HNRNPLL: variants seen among roughly 807,000 people sequenced by gnomAD.
HNRNPLL encodes heterogeneous nuclear ribonucleoprotein L like.
Under a neutral mutation model 67.1 loss-of-function variants are expected in HNRNPLL, and 25 were observed. The observed-to-expected ratio is 0.37, with a 90% CI of 0.27 to 0.52. The LOEUF (loss-of-function observed/expected upper bound fraction) is 0.52. Ranked by LOEUF, HNRNPLL falls within the 20% of genes least tolerant of loss-of-function variation. The pLI is 0.90. For synonymous variants in HNRNPLL, 267 were observed against 241.7 expected (o/e 1.10, Z -0.97); for missense variants, 542 against 673.9 (o/e 0.80, Z 2.17).
Position 38,590,094 on chromosome 2 carries a change from A to G in HNRNPLL, c.308+1436T>C, listed in dbSNP as rs555296548. ...ATTGATATAATCAACTTAGTGATAC[A>G]CTTTCAACATACAAACTTTACTATG... On this transcript the variant is annotated intron_variant, in intron 2 of 12. Coordinates refer to ENST00000449105, the MANE Select transcript of HNRNPLL (RefSeq NM_138394.4). Among the ~76,000 whole-genome samples the G allele has an allele frequency of 5.1e-4, 77 of 152,352 alleles. 1 individual carries two copies. The highest frequency in any genetic ancestry group is 1.8e-3 in the African/African-American group (76 of 41,580).
At position 38,598,977 on chromosome 2, in the gene HNRNPLL, TAC is replaced by T. The variant is rs1444793676; in HGVS notation, c.189+3459_189+3460del. Among the ~76,000 whole-genome samples the T allele has an allele frequency of 9.8e-5, 15 of 152,356 alleles. No homozygotes were observed. The East Asian group carries it at 2.5e-3, about 25-fold the overall frequency. ...TACTTTATTTCCATGAAGTAGTTAC[TAC>T]ACAGTCTTCTAAACTTCTCCTGTGA... On this transcript the variant is annotated intron_variant, in intron 1 of 12. Transcript: ENST00000449105.
chr2:38,602,189 T>C, intron 1 of HNRNPLL: 3 of 439,948 alleles, frequency 6.8e-6, no homozygotes, highest in Non-Finnish European at 1.2e-5. Context: ...GCCGCGACCC[T>C]CCCCAAGTTC....
At chr2:38,567,090 A>T (rs189651784) in intron 12 of HNRNPLL, among the ~76,000 whole-genome samples, 1 of 151,866 alleles carries the variant, frequency 6.6e-6, no homozygotes, top group Admixed American at 6.6e-5. Context: ...TATGTACAGA[A>T]GAATCATTTT....
chr2:38,597,656 A>G (rs1314440925), intron 1 of HNRNPLL, among the ~76,000 whole-genome samples: 1 of 152,166 alleles, frequency 6.6e-6, no homozygotes, highest in Non-Finnish European at 1.5e-5. Flanking sequence ...GCAAAGATGT[A>G]AAATTATGGC....
chr2:38,592,211 A>T (rs1666988212), intron 1 of HNRNPLL, among the ~76,000 whole-genome samples: 1 of 152,232 alleles, frequency 6.6e-6, no homozygotes, highest in Admixed American at 6.5e-5. Context: ...ACTTCAAGAA[A>T]ATCTCAGAAA....
At chr2:38,575,415 C>T (rs1666263310) in intron 7 of HNRNPLL, among the ~76,000 whole-genome samples, 2 of 151,746 alleles carry the variant, frequency 1.3e-5, no homozygotes, top group Admixed American at 1.3e-4. Flanking sequence ...CTTTCGTCTA[C>T]AAACCATATC....
At chr2:38,582,926 T>TA (rs1363741252) in intron 4 of HNRNPLL, among the ~76,000 whole-genome samples, 1 of 151,496 alleles carries the variant, frequency 6.6e-6, no homozygotes, top group Non-Finnish European at 1.5e-5. Context: ...ACAACCGAAC[T>TA]ATCTACCTTA....
Position 38,585,856 on chromosome 2 carries a change from G to T in HNRNPLL, c.334C>A (p.Arg112=), listed in dbSNP as rs1360658975. 1 of 1,611,036 alleles carries T rather than the reference G, an allele frequency of 6.2e-7. No homozygotes were observed. Among genetic ancestry groups the T allele is most frequent in the Non-Finnish European group, 8.5e-7 (1 of 1,177,538 alleles). The change falls in exon 3 of 13, where the codon CGA becomes AGA. Residue 112 remains arginine (R), a synonymous_variant. Transcript: ENST00000449105. ...TTTTCAAATTCCACTAGAGCCTGTC[G>T]TTTAAATGGCATCATCATCACATAG... ...ICYVMMMPFK[R]QALVEFENID... is the part of the protein sequence containing the mutation.
chr2:38,566,145 G>A (rs938335010), intron 12 of HNRNPLL: 1 of 928,192 alleles, frequency 1.1e-6, no homozygotes, highest in South Asian at 4.9e-5. Flanking sequence ...GAGGTGGGCA[G>A]ATCATGAGGT....
chr2:38,590,973 C>A (rs1257127714), intron 2 of HNRNPLL, among the ~76,000 whole-genome samples: 2 of 152,146 alleles, frequency 1.3e-5, no homozygotes, highest in East Asian at 1.9e-4. Context: ...CCACTACACT[C>A]CAGCTTGGGC....
At position 38,602,832 on chromosome 2, in the gene HNRNPLL, T is replaced by G. The variant is rs556524230; in HGVS notation, c.-206A>C. The G allele has an allele frequency of 5.2e-3, 8,015 of 1,548,878 alleles. 31 individuals carry two copies. The highest frequency in any genetic ancestry group is 6.5e-3 in the Non-Finnish European group (7,458 of 1,146,174). ...AGGGGGGCGCCCCGGGAGGAAGCTC[T>G]GGAGCGGCCGCTCCTCTCAATTACC... On this transcript the variant is annotated 5_prime_UTR_variant, in exon 1 of 13. Coordinates refer to ENST00000449105, the MANE Select transcript of HNRNPLL (RefSeq NM_138394.4).
chr2:38,588,546 C>CAAAAAAAA (rs70954733), intron 2 of HNRNPLL, among the ~76,000 whole-genome samples: 3,053 of 50,726 alleles, frequency 0.06, 271 homozygotes, highest in African/African-American at 0.085. Context: ...AACTCCATCT[C>CAAAAAAAA]AAAAAAAAAA....
chr2:38,571,127 C>T (rs1666061781), intron 8 of HNRNPLL, among the ~76,000 whole-genome samples: 1 of 152,058 alleles, frequency 6.6e-6, no homozygotes, highest in Admixed American at 6.6e-5. Flanking sequence ...AGAGATTAAA[C>T]ATAGTATATA....
At chr2:38,583,505 A>C (rs1214424267) in intron 4 of HNRNPLL, among the ~76,000 whole-genome samples, 1 of 152,214 alleles carries the variant, frequency 6.6e-6, no homozygotes, top group Non-Finnish European at 1.5e-5. Context: ...GTAAGATTTT[A>C]CTGACTCTAA....
intron 6 of HNRNPLL, chr2:38,581,220 G>C (rs137891674): frequency 2.2e-4 from 33 of 152,286 alleles, no homozygotes; most frequent in African/African-American, 7.9e-4. Flanking sequence ...TGGGCATTAA[G>C]ATTTACAACA....
At chr2:38,597,864 T>C (rs1486037372) in intron 1 of HNRNPLL, among the ~76,000 whole-genome samples, 1 of 151,778 alleles carries the variant, frequency 6.6e-6, no homozygotes, top group African/African-American at 2.4e-5. Flanking sequence ...ATTTTTTGTA[T>C]TTTTAGTAGA....
chr2:38,572,318 T>C (rs1382572511), intron 8 of HNRNPLL, among the ~76,000 whole-genome samples: 4 of 152,098 alleles, frequency 2.6e-5, no homozygotes, highest in Non-Finnish European at 5.9e-5. Flanking sequence ...AGCTTTAGAA[T>C]TAATGAACTA....
In HNRNPLL at chr2:38,587,357, GTATTAT is replaced by G. The variant is rs145931163; in HGVS notation, c.309-1482_309-1477del. Among the ~76,000 whole-genome samples, 12 of 151,962 alleles carry G rather than the reference GTATTAT, an allele frequency of 7.9e-5. 1 individual carries two copies. The East Asian group carries it at 2.1e-3, about 27-fold the overall frequency. On this transcript the variant is annotated intron_variant, in intron 2 of 12. Coordinates refer to ENST00000449105, the MANE Select transcript of HNRNPLL (RefSeq NM_138394.4). ...CCCTCAATAAAAGGTAACTATTACT[GTATTAT>G]TATTATTTAACGTATCTTGCCTCAT...
intron 12 of HNRNPLL, among the ~76,000 whole-genome samples, chr2:38,564,987 G>A (rs1412697576): frequency 4.2e-5 from 6 of 141,668 alleles, no homozygotes; most frequent in East Asian, 2.1e-4. Context: ...CATAAGTTTT[G>A]AAATTACTGA....
Sources: gnomAD v4.1 joint callset for allele counts (sites outside exome capture counted in the v4.1 genomes callset) on GRCh38, gnomAD v4.1.1 for gene constraint, MANE v1.5 for transcripts, NCBI Gene and HGNC (gene_info 2026-07-23, HGNC 2026-07-21) for gene names.